The following DCC variants were observed in gnomAD, a reference collection of about 807,000 sequenced individuals.
DCC encodes DCC netrin 1 receptor.
In DCC, 58 loss-of-function variants were observed where a neutral mutation model predicts 172.5. That is an observed-to-expected ratio of 0.34 (90% CI 0.27 to 0.42). The LOEUF (loss-of-function observed/expected upper bound fraction) is 0.42. Ranked by LOEUF, DCC falls within the 10% of genes least tolerant of loss-of-function variation. DCC has a pLI of 1.00. For missense variants in DCC, 1,740 were observed against 1,791.0 expected, an observed-to-expected ratio of 0.97 and a Z score of 0.51; for synonymous variants, 709 against 644.5, an observed-to-expected ratio of 1.10 and a Z score of -1.52.
chr18:53,526,792 A>G (rs753775976), intron 28 of DCC, 33 bp downstream of exon 28: 1 of 1,612,392 alleles, frequency 6.2e-7, no homozygotes, highest in East Asian at 2.2e-5. Flanking sequence ...TGCTTCATCA[A>G]GGGACAGATT....
At chr18:52,509,693 A>G (rs1414523891) in intron 1 of DCC, among the ~76,000 whole-genome samples, 1 of 152,218 alleles carries the variant, frequency 6.6e-6, no homozygotes, top group Non-Finnish European at 1.5e-5. Flanking sequence ...ACCCGAAGGC[A>G]TTTACTGCGA....
chr18:52,917,514 G>C (rs1880204783), intron 3 of DCC, among the ~76,000 whole-genome samples: 1 of 152,116 alleles, frequency 6.6e-6, no homozygotes, highest in African/African-American at 2.4e-5. Flanking sequence ...GTTATTCTTT[G>C]TTGTAATGAT....
At chr18:53,388,902 A>G (rs1036267980) in intron 16 of DCC, among the ~76,000 whole-genome samples, 1 of 152,164 alleles carries the variant, frequency 6.6e-6, no homozygotes, top group South Asian at 2.1e-4. Flanking sequence ...CTCCCACCTA[A>G]GTCTCCTGGG....
intron 27 of DCC, among the ~76,000 whole-genome samples, chr18:53,500,720 A>T (rs2046087064): frequency 6.6e-6 from 1 of 151,870 alleles, no homozygotes; most frequent in African/African-American, 2.4e-5. Context: ...GCATGAAAGC[A>T]TGTAGGATTC....
intron 7 of DCC, among the ~76,000 whole-genome samples, chr18:53,084,783 A>G (rs2042855410): frequency 1.3e-5 from 2 of 152,250 alleles, no homozygotes; most frequent in South Asian, 4.1e-4. Flanking sequence ...TGTAATTTGA[A>G]GACACTGAGT....
chr18:52,420,999 C>A (rs1490141016), intron 1 of DCC, among the ~76,000 whole-genome samples: 1 of 151,962 alleles, frequency 6.6e-6, no homozygotes, highest in Admixed American at 6.6e-5. Flanking sequence ...GAATTCAGGA[C>A]CTTGGTATTA....
At chr18:52,961,381 A>G (rs1309240567) in intron 5 of DCC, among the ~76,000 whole-genome samples, 1 of 152,178 alleles carries the variant, frequency 6.6e-6, no homozygotes, top group Non-Finnish European at 1.5e-5. Flanking sequence ...AAACTTTGTC[A>G]TGACCTATTA....
In DCC at chr18:52,518,453, A is replaced by G. The variant is rs7243397; in HGVS notation, c.91+177575A>G. Among the ~76,000 whole-genome samples, 1,288 of 152,320 alleles carry G rather than the reference A, an allele frequency of 8.5e-3. 26 individuals are homozygous for G. The highest frequency in any genetic ancestry group is 0.03 in the African/African-American group (1,238 of 41,558). On this transcript the variant is annotated intron_variant, in intron 1 of 28. Coordinates refer to ENST00000442544, the MANE Select transcript of DCC (RefSeq NM_005215.4). The stretch of plus-strand genomic sequence containing the variant: ...AATATTATTGGCTTGGGTTGAACGG[A>G]TTAGAATAGGATAAAGTGTAAATTA...
chr18:52,922,257 C>T (rs2040138111), intron 3 of DCC, among the ~76,000 whole-genome samples: 1 of 152,044 alleles, frequency 6.6e-6, no homozygotes, highest in Admixed American at 6.6e-5. Flanking sequence ...TTTTATTTCT[C>T]CACGCAAAGA....
At chr18:52,801,171 G>A (rs2037978150) in intron 2 of DCC, among the ~76,000 whole-genome samples, 1 of 152,102 alleles carries the variant, frequency 6.6e-6, no homozygotes, top group East Asian at 1.9e-4. Flanking sequence ...ATTCAGCTGA[G>A]GCTTAAGAAT....
rs897224138 is a variant in DCC at position 53,422,592 on chromosome 18, A to G, written c.3163+6436A>G. Among the ~76,000 whole-genome samples the G allele has an allele frequency of 4.6e-5, 7 of 152,192 alleles. No homozygotes were observed. The East Asian group carries it at 5.8e-4, about 13-fold the overall frequency. ...TCTTTCCTTAATAGGGTATTCAGGC[A>G]AAGTACTTAACACTGCACCTGCCAT... On this transcript the variant is annotated intron_variant, in intron 21 of 28. Transcript: ENST00000442544.
At chr18:53,106,166 T>C (rs570820393) in intron 7 of DCC, among the ~76,000 whole-genome samples, 3 of 152,028 alleles carry the variant, frequency 2.0e-5, no homozygotes, top group African/African-American at 4.8e-5. Context: ...TCTTTGGCAA[T>C]TGGGCTTGAT....
At chr18:52,515,463 C>T (rs138614524) in intron 1 of DCC, among the ~76,000 whole-genome samples, 5,529 of 150,788 alleles carry the variant, frequency 0.037, 149 homozygotes, top group Non-Finnish European at 0.053. Context: ...AAAAATTATC[C>T]GGGTGCAGTG....
chr18:53,379,586 C>T (rs1156771086), intron 15 of DCC, among the ~76,000 whole-genome samples: 4 of 152,102 alleles, frequency 2.6e-5, no homozygotes, highest in Admixed American at 6.5e-5. Context: ...TCTCACCTAC[C>T]AAGTCTCAGG....
chr18:52,849,113 T>G (rs1223755345), intron 2 of DCC, among the ~76,000 whole-genome samples: 1 of 150,218 alleles, frequency 6.7e-6, no homozygotes, highest in East Asian at 1.9e-4. Context: ...GTGTGTGTGT[T>G]CGTTCTAGGA....
chr18:52,880,877 A>G (rs115172322), intron 2 of DCC, among the ~76,000 whole-genome samples: 2,298 of 152,292 alleles, frequency 0.015, 43 homozygotes, highest in African/African-American at 0.038. Flanking sequence ...GTATATATGC[A>G]GTAGTGGGAT....
At chr18:53,232,072 G>A (rs901185390) in intron 12 of DCC, among the ~76,000 whole-genome samples, 4 of 151,952 alleles carry the variant, frequency 2.6e-5, no homozygotes, top group Admixed American at 6.6e-5. Flanking sequence ...CCTCTATAAC[G>A]TCTGCTCATT....
At chr18:52,991,713 ATT>A (rs1172436053) in intron 5 of DCC, among the ~76,000 whole-genome samples, 2 of 152,094 alleles carry the variant, frequency 1.3e-5, no homozygotes, top group African/African-American at 4.8e-5. Context: ...TGCACTAGTT[ATT>A]TTATCTTTAT....
intron 1 of DCC, among the ~76,000 whole-genome samples, chr18:52,587,939 T>C (rs1439167265): frequency 6.6e-6 from 1 of 152,154 alleles, no homozygotes; most frequent in Non-Finnish European, 1.5e-5. Flanking sequence ...CTTACTTGTG[T>C]CTTCAGGAAC....
Sources: allele counts gnomAD v4.1 joint callset (sites outside exome capture counted in the v4.1 genomes callset), GRCh38; gene constraint gnomAD v4.1.1; transcripts MANE v1.5; gene names NCBI Gene and HGNC (gene_info 2026-07-23, HGNC 2026-07-21).